KCNK10: variants seen among roughly 807,000 people sequenced by gnomAD.
KCNK10 encodes potassium two pore domain channel subfamily K member 10.
KCNK10 carries 25 observed loss-of-function variants against 47.7 expected under a neutral mutation model. The ratio of observed to expected loss-of-function variants is 0.52; its 90% confidence interval spans 0.38 to 0.73. The LOEUF (loss-of-function observed/expected upper bound fraction) is 0.73. Ranked by LOEUF, KCNK10 falls within the 30% of genes least tolerant of loss-of-function variation. The probability of loss-of-function intolerance (pLI) is 0.00; values close to 1 mark genes in which losing one functional copy is unlikely to be tolerated. For synonymous variants in KCNK10, 303 were observed against 285.6 expected, an observed-to-expected ratio of 1.06 and a Z score of -0.61; for missense variants, 563 against 714.5, an observed-to-expected ratio of 0.79 and a Z score of 2.42.
At chr14:88,291,555 G>A (rs1208008237) in intron 1 of KCNK10, among the ~76,000 whole-genome samples, 1 of 152,196 alleles carries the variant, frequency 6.6e-6, no homozygotes, top group Non-Finnish European at 1.5e-5. Flanking sequence ...TTGGCAGAAG[G>A]GGGTCTCAGC....
In KCNK10 at chr14:88,180,964, T is replaced by G. The variant is rs1031898878; in HGVS notation, c.*4571A>C. ...AAGGCCATTACTAGCCAGCTCTTAC[T>G]GTTCACTCAGCCACTGTCTTTGCAC... On this transcript the variant is annotated 3_prime_UTR_variant, in exon 7 of 7. Coordinates refer to ENST00000319231, the MANE Select transcript of KCNK10 (RefSeq NM_138317.3). The G allele has an allele frequency of 2.5e-6, 1 of 397,456 alleles. No individual in the cohort carries two copies. Among genetic ancestry groups the G allele is most frequent in the Non-Finnish European group, 4.4e-6 (1 of 225,606 alleles). 24.6% of individuals were successfully genotyped at this position (397,456 alleles called of 1,614,324 possible).
Position 88,185,950 on chromosome 14 carries a change from G to C in KCNK10, c.1217C>G (p.Ala406Gly). 1 of 1,613,884 alleles carries C rather than the reference G, an allele frequency of 6.2e-7. No homozygotes were observed. The highest frequency in any genetic ancestry group is 8.5e-7 in the Non-Finnish European group (1 of 1,180,010). ...MLSPEKRSVF[A>G]ALDTGRFKAS... ...CTTGAAGCGGCCGGTGTCCAGGGCA[G>C]CAAAGACAGAGCGCTTCTCGGGGGA... The change falls in exon 7 of 7, where the codon GCT becomes GGT. Residue 406 changes from alanine to glycine, a missense_variant. Coordinates refer to ENST00000319231, the MANE Select transcript of KCNK10 (RefSeq NM_138317.3). The surrounding 1 kb of genome is among the most constrained non-coding windows in gnomAD (Gnocchi z 4.3).
intron 4 of KCNK10, among the ~76,000 whole-genome samples, chr14:88,193,197 C>T (rs915244406): frequency 6.6e-6 from 1 of 152,104 alleles, no homozygotes; most frequent in African/African-American, 2.4e-5. Flanking sequence ...GGTGAAATCT[C>T]CTTTGGGGCT....
intron 4 of KCNK10, among the ~76,000 whole-genome samples, chr14:88,215,471 C>T (rs1885587759): frequency 6.6e-6 from 1 of 152,126 alleles, no homozygotes; most frequent in Non-Finnish European, 1.5e-5. Flanking sequence ...CCACTGGGTC[C>T]CTCCCACAAC....
chr14:88,214,691 A>T (rs988335818), intron 4 of KCNK10, among the ~76,000 whole-genome samples: 1 of 152,246 alleles, frequency 6.6e-6, no homozygotes, highest in African/African-American at 2.4e-5. Context: ...ATATTAACTA[A>T]TAATGAGCTG....
At chr14:88,269,766 T>C (rs561099344) in intron 1 of KCNK10, among the ~76,000 whole-genome samples, 1 of 152,240 alleles carries the variant, frequency 6.6e-6, no homozygotes, top group African/African-American at 2.4e-5. Flanking sequence ...TCGCCAAACC[T>C]TCTGTGTAAG....
At position 88,255,754 on chromosome 14, in the gene KCNK10, G is replaced by A. The variant is rs140645211; in HGVS notation, c.402+7448C>T. On this transcript the variant is annotated intron_variant, in intron 2 of 6. Transcript: ENST00000319231. ...CAACCTACCCCCAGAAACGTTCTGA[G>A]GAGGCTGAGGCAGGAGGATTGCTTG... Among the ~76,000 whole-genome samples, 6 of 152,242 alleles carry A rather than the reference G, an allele frequency of 3.9e-5. No homozygotes were observed. In the East Asian group the frequency reaches 1.2e-3, roughly 29 times the overall value.
chr14:88,188,130 C>A, intron 5 of KCNK10, 21 bp from the exon 6 acceptor site: 4 of 1,613,734 alleles, frequency 2.5e-6, no homozygotes, highest in Non-Finnish European at 3.4e-6. Flanking sequence ...CCAAATGTTA[C>A]TTTAACCATG....
rs111623811 is a variant in KCNK10, at chr14:88,312,828, G to T, written c.52+9919C>A. Among the ~76,000 whole-genome samples, 382 of 152,268 alleles carry T rather than the reference G, an allele frequency of 2.5e-3. 1 individual carries two copies. The highest frequency in any genetic ancestry group is 8.9e-3 in the African/African-American group (368 of 41,542). On this transcript the variant is annotated intron_variant, in intron 1 of 6. Coordinates refer to ENST00000319231, the MANE Select transcript of KCNK10 (RefSeq NM_138317.3). ...TAATACAAAAAGTTTGGACTGATAG[G>T]TATGCTGGGATCTATTATGAGACCA...
intron 4 of KCNK10, among the ~76,000 whole-genome samples, chr14:88,213,950 T>G (rs1331919364): frequency 2.7e-5 from 4 of 147,142 alleles, no homozygotes; most frequent in Non-Finnish European, 4.5e-5. Flanking sequence ...TTATTATTAT[T>G]ATTATTGAGA....
chr14:88,316,914 T>C (rs1888439983), intron 1 of KCNK10, among the ~76,000 whole-genome samples: 1 of 152,206 alleles, frequency 6.6e-6, no homozygotes, highest in Admixed American at 6.5e-5. Context: ...AAAGACTATA[T>C]TATATTTTTT....
At chr14:88,201,234 G>T (rs908363897) in intron 4 of KCNK10, among the ~76,000 whole-genome samples, 1 of 152,216 alleles carries the variant, frequency 6.6e-6, no homozygotes, top group African/African-American at 2.4e-5. Context: ...TCCAGGAAAT[G>T]CCAGCTCCAA....
chr14:88,258,440 G>T (rs28628854), intron 2 of KCNK10, among the ~76,000 whole-genome samples: 1 of 152,034 alleles, frequency 6.6e-6, no homozygotes, highest in Admixed American at 6.5e-5. Flanking sequence ...ACAGGCACCT[G>T]CCACCACGCC....
rs55913907 is a variant in KCNK10 at position 88,221,301 on chromosome 14, CAAT to C, written c.681+6071_681+6073del. Among the ~76,000 whole-genome samples the C allele has an allele frequency of 1.5e-3, 211 of 144,150 alleles. 1 individual carries two copies. Among genetic ancestry groups the C allele is most frequent in the African/African-American group, 4.3e-3 (164 of 38,372 alleles). The allele number at this position is 144,150 out of a possible 152,430, so 94.6% of individuals were successfully genotyped here. A position where few individuals can be genotyped will look rare whatever the true frequency, so the allele number is the denominator to read the frequency against. ...TGGGTGACAGAGTGAGACTCTGTCT[CAAT>C]AATAATAATAATAATAATAATAATA... On this transcript the variant is annotated intron_variant, in intron 4 of 6. Transcript: ENST00000319231.
chr14:88,222,653 G>A (rs981461771), intron 4 of KCNK10, among the ~76,000 whole-genome samples: 1 of 152,132 alleles, frequency 6.6e-6, no homozygotes, highest in Non-Finnish European at 1.5e-5. Context: ...TAGGGGCAAG[G>A]GGATATGGGA....
At chr14:88,304,592 G>A (rs1324143872) in intron 1 of KCNK10, among the ~76,000 whole-genome samples, 2 of 152,226 alleles carry the variant, frequency 1.3e-5, no homozygotes, top group African/African-American at 4.8e-5. Flanking sequence ...TCTTGTTCGA[G>A]CGCTCATGCT....
intron 2 of KCNK10, among the ~76,000 whole-genome samples, chr14:88,245,332 T>C (rs1310896553): frequency 6.6e-6 from 1 of 152,036 alleles, no homozygotes; most frequent in East Asian, 1.9e-4. Flanking sequence ...TTGTCCTCCC[T>C]CCCCCACACC....
At chr14:88,244,880 A>T (rs1886585669) in intron 2 of KCNK10, among the ~76,000 whole-genome samples, 1 of 152,216 alleles carries the variant, frequency 6.6e-6, no homozygotes, top group African/African-American at 2.4e-5. Context: ...TTCAACCATT[A>T]TCAAGTTCAG....
intron 1 of KCNK10, among the ~76,000 whole-genome samples, chr14:88,291,700 T>C (rs1192863205): frequency 6.6e-6 from 1 of 152,188 alleles, no homozygotes; most frequent in Non-Finnish European, 1.5e-5. Flanking sequence ...CACATGTGAA[T>C]GATGCCCTCT....
Sources: allele counts gnomAD v4.1 joint callset (sites outside exome capture counted in the v4.1 genomes callset), GRCh38; gene constraint gnomAD v4.1.1; non-coding constraint Gnocchi (gnomAD v3.1); transcripts MANE v1.5; gene names NCBI Gene and HGNC (gene_info 2026-07-23, HGNC 2026-07-21).